The following SUN5 variants were observed in gnomAD, a reference collection of about 807,000 sequenced individuals.
The protein encoded by SUN5 is Sad1 and UNC84 domain containing 5.
Under a neutral mutation model 53.7 loss-of-function variants are expected in SUN5, and 44 were observed. The ratio of observed to expected loss-of-function variants is 0.82; its 90% CI spans 0.64 to 1.05. SUN5 has a LOEUF of 1.05. Ranked by LOEUF, SUN5 falls within the 50% of genes least tolerant of loss-of-function variation. The pLI is 0.00. For missense variants in SUN5, 433 were observed against 483.8 expected, an observed-to-expected ratio of 0.90 and a Z score of 0.98; for synonymous variants, 166 against 179.8, an observed-to-expected ratio of 0.92 and a Z score of 0.62.
intron 2 of SUN5, 70 bp from the exon 3 acceptor site, chr20:33,002,731 C>G: frequency 6.2e-7 from 1 of 1,602,820 alleles, no homozygotes; most frequent in Non-Finnish European, 8.5e-7. Flanking sequence ...ACCTAGGGAG[C>G]ACCCAGAGCT....
At chr20:33,000,183 C>T in intron 4 of SUN5, 48 bp from the exon 5 acceptor site, 2 of 1,560,780 alleles carry the variant, frequency 1.3e-6, no homozygotes, top group Non-Finnish European at 1.7e-6. Context: ...AAGGCCCTGC[C>T]AAGTGTTCAC....
intron 10 of SUN5, 116 bp from the exon 11 acceptor site, chr20:32,986,019 A>T (rs1989529894): frequency 8.0e-7 from 1 of 1,246,406 alleles, no homozygotes; most frequent in Admixed American, 2.5e-5. Context: ...TTGTCTCCAA[A>T]GCTTGGCTCA....
intron 4 of SUN5, 69 bp from the exon 5 acceptor site, chr20:33,000,204 G>T (rs970863658): frequency 1.3e-6 from 2 of 1,511,706 alleles, no homozygotes; most frequent in Non-Finnish European, 1.8e-6. Flanking sequence ...CCTCCTCCTC[G>T]TCACTCTCTT....
At chr20:32,989,204 C>T (rs930789573) in intron 9 of SUN5, among the ~76,000 whole-genome samples, 21 of 152,224 alleles carry the variant, frequency 1.4e-4, no homozygotes, top group Admixed American at 1.2e-3. Flanking sequence ...GGATTACAGG[C>T]GTGAGCCACC....
intron 11 of SUN5, 132 bp from the exon 12 acceptor site, chr20:32,985,317 T>C (rs1989506825): frequency 1.3e-6 from 1 of 755,786 alleles, no homozygotes; most frequent in African/African-American, 1.7e-5. Context: ...CGTTTCACTG[T>C]GGCACAGTGT....
chr20:32,997,536 G>A, intron 6 of SUN5, 102 bp downstream of exon 6: 2 of 1,277,632 alleles, frequency 1.6e-6, no homozygotes, highest in Non-Finnish European at 2.2e-6. Flanking sequence ...AGGAACTGAT[G>A]AGGGGCCCCA....
chr20:32,988,965 G>A (rs147885833), intron 9 of SUN5, among the ~76,000 whole-genome samples: 61 of 151,098 alleles, frequency 4.0e-4, no homozygotes, highest in African/African-American at 1.2e-3. Flanking sequence ...TCTCTCTGTC[G>A]CCCAGGCTGG....
In SUN5 at chr20:33,002,829, A is replaced by T. The variant is rs188436011; in HGVS notation, c.136+32T>A. 62 of 1,613,270 alleles carry T rather than the reference A, an allele frequency of 3.8e-5. No homozygotes were observed. In the East Asian group the frequency reaches 1.3e-3, roughly 34 times the overall value. ...CTGAGCCTCAGCCCCTCAGCTGCCC[A>T]TGAAAATACCAGGGCACCTGTCCTT... On this transcript the variant is annotated intron_variant, in intron 2 of 12. Transcript: ENST00000356173.
In SUN5 at chr20:32,993,806, TATTA is replaced by T. The variant is rs144743214; in HGVS notation, c.534+1809_534+1812del. ...TGATTCAGAAGGTCTGAGTGAGGCCTATTAATTCGAATTGTTAACATTTTCCCAG... is the reference window on the plus strand; with the variant it reads ...TGATTCAGAAGGTCTGAGTGAGGCCTATTCGAATTGTTAACATTTTCCCAG... On this transcript the variant is annotated intron_variant, in intron 8 of 12. Coordinates refer to ENST00000356173, the MANE Select transcript of SUN5 (RefSeq NM_080675.4). 4.1e-4 allele frequency among the ~76,000 whole-genome samples: 63 copies of T among 152,320 alleles called. 1 individual carries two copies. The highest frequency in any genetic ancestry group is 2.8e-4 in the Non-Finnish European group (19 of 68,034).
chr20:33,002,496 C>T (rs1388268893), intron 3 of SUN5, 91 bp downstream of exon 3: 21 of 1,286,772 alleles, frequency 1.6e-5, no homozygotes, highest in South Asian at 2.4e-5. Flanking sequence ...CCAGGGCAGG[C>T]ATTGCCACCC....
At position 32,995,743 on chromosome 20, in the gene SUN5, T is replaced by C. The variant is rs1463993392; in HGVS notation, c.426-16A>G. The stretch of plus-strand genomic sequence containing the variant: ...CTGGTACAACCTTATCAGGAAGGAG[T>C]GATAACAAGAACAGGTTGATTTGTG... On this transcript the variant is annotated splice_polypyrimidine_tract_variant and intron_variant, in intron 7 of 12. Transcript: ENST00000356173. 8 of 1,609,930 alleles carry C rather than the reference T, an allele frequency of 5.0e-6. No individual in the cohort carries two copies. Among genetic ancestry groups the C allele is most frequent in the Non-Finnish European group, 6.8e-6 (8 of 1,176,420 alleles).
In SUN5 at chr20:33,001,237, G is replaced by A; in HGVS notation, c.253C>T (p.Gln85Ter). 3 of 1,578,376 alleles carry A rather than the reference G, an allele frequency of 1.9e-6. No homozygotes were observed. Among genetic ancestry groups the A allele is most frequent in the Non-Finnish European group, 2.6e-6 (3 of 1,159,584 alleles). Reference sequence around the variant, plus strand: ...CTGCACGTGTTAAACAGAACCTGCTGGGCCTGAGTTCTCAGGGAGCAGGCA... The same window carrying A: ...CTGCACGTGTTAAACAGAACCTGCTAGGCCTGAGTTCTCAGGGAGCAGGCA... The part of the protein sequence containing the change: ...CFACSLRTQA[Q>*]QVLFNTCRCK... The change falls in exon 4 of 13, where the codon CAG becomes TAG. Residue 85 changes from glutamine to a stop codon, truncating the protein, a stop_gained. Coordinates refer to ENST00000356173, the MANE Select transcript of SUN5 (RefSeq NM_080675.4). LOFTEE classifies it high-confidence loss of function.
chr20:33,002,923 G>C lies in SUN5; in HGVS notation c.78-4C>G, dbSNP rs1002658904. On this transcript the variant is annotated splice_polypyrimidine_tract_variant and splice_region_variant and intron_variant, in intron 1 of 12. Coordinates refer to ENST00000356173, the MANE Select transcript of SUN5 (RefSeq NM_080675.4). ...GTTCCGGCCTCGCTGGGCAATCCTG[G>C]GGATGATAAGATTCATAGTCGCATT... 6.2e-7 allele frequency: 1 copy of C among 1,614,134 alleles called. No individual in the cohort carries two copies. Among genetic ancestry groups the C allele is most frequent in the Non-Finnish European group, 8.5e-7 (1 of 1,180,018 alleles).
In SUN5 at chr20:33,002,952, C is replaced by T. The variant is rs903712106; in HGVS notation, c.78-33G>A. ...TGATAAGATTCATAGTCGCATTTTA[C>T]AATTATGAGGAACATAGTGTCCTTG... is the stretch of plus-strand genomic sequence containing the variant. On this transcript the variant is annotated intron_variant, in intron 1 of 12. Coordinates refer to ENST00000356173, the MANE Select transcript of SUN5 (RefSeq NM_080675.4). 4 of 1,612,468 alleles carry T rather than the reference C, an allele frequency of 2.5e-6. No individual in the cohort carries two copies. In the African/African-American group the frequency reaches 4.0e-5, roughly 16 times the overall value.
chr20:32,988,021 G>A (rs1376971647), intron 9 of SUN5, among the ~76,000 whole-genome samples: 1 of 152,092 alleles, frequency 6.6e-6, no homozygotes, highest in Non-Finnish European at 1.5e-5. Flanking sequence ...GCAGTGGCGC[G>A]ATCTTGGCTC....
chr20:33,000,794 G>A (rs1195556054), intron 4 of SUN5, among the ~76,000 whole-genome samples: 5 of 151,364 alleles, frequency 3.3e-5, no homozygotes, highest in African/African-American at 4.9e-5. Context: ...GCAGTGAGCC[G>A]TGATGGCACC....
chr20:32,985,980 T>G, intron 10 of SUN5, 77 bp from the exon 11 acceptor site: 7 of 1,478,518 alleles, frequency 4.7e-6, no homozygotes, highest in Non-Finnish European at 6.4e-6. Flanking sequence ...CTGTACTTCC[T>G]GGGACCTCCT....
At position 33,004,370 on chromosome 20, in the gene SUN5, G is replaced by A; in HGVS notation, c.-30C>T. 6.5e-7 allele frequency: 1 copy of A among 1,535,720 alleles called. No homozygotes were observed. Among genetic ancestry groups the A allele is most frequent in the Non-Finnish European group, 8.8e-7 (1 of 1,139,220 alleles). ...TTCCTTCTTTAGGATTGGGGATGGA[G>A]ATGGGAACTCTGGGAGCTGGTGAGG... On this transcript the variant is annotated 5_prime_UTR_variant, in exon 1 of 13. Coordinates refer to ENST00000356173, the MANE Select transcript of SUN5 (RefSeq NM_080675.4).
rs1446913884 is a variant in SUN5 at position 32,987,769 on chromosome 20, C to T, written c.620G>A (p.Ser207Asn). 1 of 1,611,740 alleles carries T rather than the reference C, an allele frequency of 6.2e-7. No homozygotes were observed. Among genetic ancestry groups the T allele is most frequent in the Non-Finnish European group, 8.5e-7 (1 of 1,179,070 alleles). ...PDFALKSIGA[S>N]IDFEHTSVTY... ...GACTGACGTGTGCTCAAAGTCAATGCTGGCCCCTGTATAGGAGAAGGGGGT... is the reference window on the plus strand; with the variant it reads ...GACTGACGTGTGCTCAAAGTCAATGTTGGCCCCTGTATAGGAGAAGGGGGT... The change falls in exon 10 of 13, where the codon AGC becomes AAC. Residue 207 changes from serine (S) to asparagine (N), a missense_variant. Physicochemically the swap from Ser to Asn is conservative, Grantham distance 46 (BLOSUM62 1). Transcript: ENST00000356173.
Sources: gnomAD v4.1 joint callset for allele counts (sites outside exome capture counted in the v4.1 genomes callset) on GRCh38, gnomAD v4.1.1 for gene constraint, MANE v1.5 for transcripts, NCBI Gene and HGNC (gene_info 2026-07-23, HGNC 2026-07-21) for gene names.